Variants in EPB41L1 observed in about 807,000 individuals in gnomAD.
The protein encoded by EPB41L1 is erythrocyte membrane protein band 4.1 like 1.
In EPB41L1, 29 loss-of-function variants were observed where a neutral mutation model predicts 97.8. The observed-to-expected ratio is 0.30, with a 90% CI of 0.22 to 0.40. The LOEUF (loss-of-function observed/expected upper bound fraction) is 0.40. Ranked by LOEUF, EPB41L1 falls within the 10% of genes least tolerant of loss-of-function variation. The pLI, the probability that EPB41L1 is intolerant of heterozygous loss-of-function variation, is 1.00. For synonymous variants in EPB41L1, 383 were observed against 459.2 expected, an observed-to-expected ratio of 0.83 and a Z score of 2.12; for missense variants, 812 against 1,162.3, an observed-to-expected ratio of 0.70 and a Z score of 4.38.
intron 18 of EPB41L1, 116 bp downstream of exon 18, chr20:36,219,078 C>A: frequency 8.9e-7 from 1 of 1,119,904 alleles, no homozygotes; most frequent in Non-Finnish European, 1.3e-6. Flanking sequence ...CTTCTAGGTG[C>A]AAAGCCAGGA....
At chr20:36,137,814 A>G (rs2059476939) in intron 2 of EPB41L1, among the ~76,000 whole-genome samples, 1 of 152,204 alleles carries the variant, frequency 6.6e-6, no homozygotes, top group Non-Finnish European at 1.5e-5. Context: ...ATGAGCCACC[A>G]TGCCCAGCCA....
rs1471142365 is a variant in EPB41L1 at position 36,215,400 on chromosome 20, C to T, written c.2268+960C>T. On this transcript the variant is annotated intron_variant, in intron 17 of 21. Transcript: ENST00000338074. ...TGGGGCTGCGGTTGCAGCCACTACT[C>T]GGGCTAGGGAAGGTAGCAGTGCTGG... is the stretch of plus-strand genomic sequence containing the variant. Among the ~76,000 whole-genome samples the T allele has an allele frequency of 9.2e-5, 14 of 152,280 alleles. No homozygotes were observed. In the East Asian group the frequency reaches 2.3e-3, roughly 25 times the overall value.
At chr20:36,146,330 C>G (rs1046417437) in intron 2 of EPB41L1, among the ~76,000 whole-genome samples, 1 of 152,214 alleles carries the variant, frequency 6.6e-6, no homozygotes, top group Non-Finnish European at 1.5e-5. Context: ...ACCATAACTT[C>G]CCTGTCCTCA....
intron 11 of EPB41L1, among the ~76,000 whole-genome samples, chr20:36,191,685 G>A (rs1312909843): frequency 1.3e-5 from 2 of 152,172 alleles, no homozygotes; most frequent in Non-Finnish European, 1.5e-5. Context: ...GACAGTCACC[G>A]TGGGCTGTTC....
intron 2 of EPB41L1, among the ~76,000 whole-genome samples, chr20:36,133,354 G>A (rs1180867293): frequency 6.6e-6 from 1 of 152,222 alleles, no homozygotes; most frequent in Non-Finnish European, 1.5e-5. Flanking sequence ...AAGAGATCTG[G>A]GTTCTAGTTC....
intron 1 of EPB41L1, 135 bp downstream of exon 1, chr20:36,155,031 G>C (rs1023890653): frequency 2.4e-6 from 2 of 839,686 alleles, no homozygotes; most frequent in Admixed American, 2.7e-5. Context: ...TGGCCAGTGT[G>C]GGGGAGGGTC....
At chr20:36,166,897 C>A (rs1051369498) in intron 1 of EPB41L1, among the ~76,000 whole-genome samples, 11 of 152,084 alleles carry the variant, frequency 7.2e-5, no homozygotes, top group Non-Finnish European at 1.3e-4. Flanking sequence ...ACCACCCAAC[C>A]CAGCATGCTT....
At chr20:36,156,954 C>A (rs887625272) in intron 1 of EPB41L1, among the ~76,000 whole-genome samples, 6 of 152,140 alleles carry the variant, frequency 3.9e-5, no homozygotes, top group African/African-American at 1.2e-4. Flanking sequence ...AGGCGTGCGC[C>A]ATTGCGCACG....
At chr20:36,118,474 C>G (rs1366133946) in intron 2 of EPB41L1, among the ~76,000 whole-genome samples, 1 of 152,162 alleles carries the variant, frequency 6.6e-6, no homozygotes, top group Admixed American at 6.5e-5. Context: ...AGCACCTGGG[C>G]CAAACCAGAA....
chr20:36,212,988 T>C lies in EPB41L1; in HGVS notation c.2184+612T>C, dbSNP rs893619586. 1.3e-5 allele frequency among the ~76,000 whole-genome samples: 2 copies of C among 152,232 alleles called. No individual in the cohort carries two copies. The highest frequency in any genetic ancestry group is 2.9e-5 in the Non-Finnish European group (2 of 68,048). On this transcript the variant is annotated intron_variant, in intron 16 of 21. Coordinates refer to ENST00000338074, the MANE Select transcript of EPB41L1 (RefSeq NM_012156.2). The surrounding 1 kb of genome is among the most constrained non-coding windows in gnomAD (Gnocchi z 4.8). ...TCCATTCCCTGCACTCCTTCCATGC[T>C]TTTTAAACTTAGGAAGTTAAGATTG...
At chr20:36,198,996 C>G (rs1010035623) in intron 14 of EPB41L1, among the ~76,000 whole-genome samples, 1 of 152,126 alleles carries the variant, frequency 6.6e-6, no homozygotes, top group African/African-American at 2.4e-5. Flanking sequence ...CCTTGATGCG[C>G]AGTGTGAGTT....
At chr20:36,210,078 C>T (rs1040199038) in intron 15 of EPB41L1, among the ~76,000 whole-genome samples, 180 bp downstream of exon 15, 3 of 152,188 alleles carry the variant, frequency 2.0e-5, no homozygotes, top group Non-Finnish European at 4.4e-5. Flanking sequence ...TCTCGGTTTA[C>T]CCCTAACACG....
intron 14 of EPB41L1, among the ~76,000 whole-genome samples, chr20:36,202,562 G>C (rs2062554389): frequency 6.6e-6 from 1 of 152,112 alleles, no homozygotes; most frequent in Non-Finnish European, 1.5e-5. Context: ...GGGAGACTGA[G>C]TTGGGTGGAT....
At chr20:36,142,154 T>G (rs1428235785) in intron 2 of EPB41L1, among the ~76,000 whole-genome samples, 5 of 152,088 alleles carry the variant, frequency 3.3e-5, no homozygotes, top group African/African-American at 1.2e-4. Context: ...AAACGTATTT[T>G]GTAGAAATTG....
Position 36,093,941 on chromosome 20 carries a change from C to T in EPB41L1, c.-65+2329C>T, listed in dbSNP as rs943248912. Reference sequence around the variant, plus strand: ...GTAGGTGGGTAGAAGCTCAGGTGCCCTGAAAAGGACTAGGAGGGAGAACCA... The same window carrying T: ...GTAGGTGGGTAGAAGCTCAGGTGCCTTGAAAAGGACTAGGAGGGAGAACCA... On this transcript the variant is annotated intron_variant, in intron 1 of 19. Coordinates refer to the EPB41L1 transcript ENST00000202028. This position sits in a 1 kb window ranked among gnomAD's most constrained non-coding sequence, Gnocchi z 5.4. 6.6e-5 allele frequency among the ~76,000 whole-genome samples: 10 copies of T among 152,128 alleles called. No individual in the cohort carries two copies. Among genetic ancestry groups the T allele is most frequent in the African/African-American group, 2.4e-4 (10 of 41,428 alleles).
intron 5 of EPB41L1, among the ~76,000 whole-genome samples, chr20:36,181,257 G>A (rs1405230585): frequency 1.3e-5 from 2 of 152,144 alleles, no homozygotes; most frequent in East Asian, 3.9e-4. Flanking sequence ...GGGGTGGGTG[G>A]TCTGACCATT....
chr20:36,137,391 A>T (rs972559667), intron 2 of EPB41L1, among the ~76,000 whole-genome samples: 8 of 146,480 alleles, frequency 5.5e-5, no homozygotes, highest in South Asian at 4.4e-4. Flanking sequence ...ATTAAAAAAA[A>T]TTTTTTTTGG....
At chr20:36,179,127 C>T (rs1366163227) in intron 5 of EPB41L1, among the ~76,000 whole-genome samples, 2 of 151,880 alleles carry the variant, frequency 1.3e-5, no homozygotes, top group Non-Finnish European at 2.9e-5. Context: ...TCCATGAGTC[C>T]GTGTACTCCA....
intron 2 of EPB41L1, among the ~76,000 whole-genome samples, chr20:36,136,181 T>C (rs918593217): frequency 1.3e-5 from 2 of 152,020 alleles, no homozygotes; most frequent in Non-Finnish European, 2.9e-5. Flanking sequence ...CCTGACCACT[T>C]GTTTTTTGAG....
Sources: allele counts gnomAD v4.1 joint callset (sites outside exome capture counted in the v4.1 genomes callset), GRCh38; gene constraint gnomAD v4.1.1; non-coding constraint Gnocchi (gnomAD v3.1); transcripts MANE v1.5; gene names NCBI Gene and HGNC (gene_info 2026-07-23, HGNC 2026-07-21).